Variants in INCENP observed in about 807,000 individuals in gnomAD.
INCENP encodes the protein inner centromere protein, also known as binds and activates aurora-B and -C in vivo and in vitro.
INCENP carries 43 observed loss-of-function variants against 107.3 expected under a neutral mutation model. That is an observed-to-expected ratio of 0.40 (90% CI 0.31 to 0.52). The LOEUF is 0.52. Ranked by LOEUF, INCENP falls within the 20% of genes least tolerant of loss-of-function variation. INCENP has a pLI of 0.53. For missense variants in INCENP, 1,089 were observed against 1,250.9 expected, an observed-to-expected ratio of 0.87 and a Z score of 1.95; for synonymous variants, 488 against 494.4, an observed-to-expected ratio of 0.99 and a Z score of 0.17.
At chr11:62,131,268 C>T (rs1443424318) in intron 4 of INCENP, among the ~76,000 whole-genome samples, 2 of 152,206 alleles carry the variant, frequency 1.3e-5, no homozygotes, top group African/African-American at 4.8e-5. Flanking sequence ...CGGGCCTCCA[C>T]TCCTTGCCTG....
chr11:62,141,802 T>G (rs958419422), intron 11 of INCENP: 2 of 534,290 alleles, frequency 3.7e-6, no homozygotes, highest in African/African-American at 3.8e-5. Context: ...ACAGCCACCT[T>G]CCCTCCCTCC....
chr11:62,134,911 C>A (rs537503964), intron 4 of INCENP, among the ~76,000 whole-genome samples: 1 of 151,732 alleles, frequency 6.6e-6, no homozygotes, highest in African/African-American at 2.4e-5. Context: ...ATTATCTGGG[C>A]GTGGTGGCAC....
At chr11:62,127,903 G>A (rs907538949) in intron 1 of INCENP, among the ~76,000 whole-genome samples, 4 of 152,088 alleles carry the variant, frequency 2.6e-5, no homozygotes, top group Non-Finnish European at 4.4e-5. Flanking sequence ...TCATGCTGGC[G>A]GGGGGGTGGG....
chr11:62,127,157 C>T (rs1943769903), intron 1 of INCENP, among the ~76,000 whole-genome samples: 1 of 152,030 alleles, frequency 6.6e-6, no homozygotes, highest in Non-Finnish European at 1.5e-5. Flanking sequence ...CAGGCTCAGC[C>T]TCCCAAGTAG....
chr11:62,148,729 T>C lies in INCENP; in HGVS notation c.2284-10T>C, dbSNP rs1429486508. The C allele has an allele frequency of 2.5e-6, 4 of 1,572,458 alleles. No individual in the cohort carries two copies. The East Asian group carries it at 9.0e-5, about 35-fold the overall frequency. Reference sequence around the variant, plus strand: ...AGCTCCCTAACACCCCATTGCCACCTGGGTTCCAGGAAGAGCAGCAGCGTC... The same window carrying C: ...AGCTCCCTAACACCCCATTGCCACCCGGGTTCCAGGAAGAGCAGCAGCGTC... On this transcript the variant is annotated splice_polypyrimidine_tract_variant and intron_variant, in intron 16 of 18. Transcript: ENST00000394818.
chr11:62,147,672 C>T (rs185177139), intron 15 of INCENP, among the ~76,000 whole-genome samples: 59 of 152,288 alleles, frequency 3.9e-4, no homozygotes, highest in African/African-American at 1.0e-3. Flanking sequence ...ACGTTTTTTC[C>T]GTGTCCATCT....
intron 13 of INCENP, 101 bp downstream of exon 13, chr11:62,145,390 A>G: frequency 6.5e-7 from 1 of 1,526,808 alleles, no homozygotes; most frequent in Non-Finnish European, 8.9e-7. Flanking sequence ...GTACCCCTGT[A>G]CCCATCTCCT....
chr11:62,126,290 G>A (rs1250143403), intron 1 of INCENP, among the ~76,000 whole-genome samples: 2 of 151,732 alleles, frequency 1.3e-5, no homozygotes, highest in Admixed American at 6.6e-5. Context: ...CTGCCTCCTA[G>A]GTTCAAGCGA....
In INCENP at chr11:62,151,691, C is replaced by T. The variant is rs995540384; in HGVS notation, c.2543-71C>T. ...GGAGGTTGGAGAGGGTGACAGGGCT[C>T]TGTGGTGGGCAAGGGATGGGGAGGT... is the stretch of plus-strand genomic sequence containing the variant. On this transcript the variant is annotated intron_variant, in intron 18 of 18. Transcript: ENST00000394818. 54 of 1,326,220 alleles carry T rather than the reference C, an allele frequency of 4.1e-5. 2 individuals carry two copies. In the South Asian group the frequency reaches 4.3e-4, roughly 10 times the overall value. 82.2% of individuals were successfully genotyped at this position (1,326,220 alleles called of 1,614,324 possible).
At chr11:62,131,710 A>T (rs535445385) in intron 4 of INCENP, among the ~76,000 whole-genome samples, 32 of 152,078 alleles carry the variant, frequency 2.1e-4, no homozygotes, top group Non-Finnish European at 3.8e-4. Flanking sequence ...ACCAGATAGG[A>T]GGCTGCTGTA....
At chr11:62,136,365 T>C (rs1294910006) in intron 4 of INCENP, among the ~76,000 whole-genome samples, 11 of 152,180 alleles carry the variant, frequency 7.2e-5, no homozygotes, top group Non-Finnish European at 1.5e-5. Context: ...TAGAATGGCA[T>C]GTACTTGAGT....
chr11:62,145,445 T>C (rs538123946), intron 13 of INCENP, among the ~76,000 whole-genome samples, 156 bp downstream of exon 13: 4 of 152,310 alleles, frequency 2.6e-5, no homozygotes, highest in African/African-American at 9.6e-5. Context: ...TGGGTTTCCC[T>C]GGCAGCCCTT....
Position 62,130,314 on chromosome 11 carries a change from T to A in INCENP, c.787T>A (p.Ser263Thr). Residue 263 changes from serine to threonine, a missense_variant, in exon 4 of 19, where the codon TCC becomes ACC. Physicochemically the swap from Ser to Thr is moderately conservative, Grantham distance 58 (BLOSUM62 1). Transcript: ENST00000394818. ...GTCTAAGCTCAGGATTGCGCAGGTC[T>A]CCCCTGGCCCACGGGACTCGCCAGC... The part of the protein sequence containing the change: ...SASKLRIAQV[S>T]PGPRDSPAFP... 6.2e-7 allele frequency: 1 copy of A among 1,611,584 alleles called. No homozygotes were observed. Among genetic ancestry groups the A allele is most frequent in the Non-Finnish European group, 8.5e-7 (1 of 1,180,006 alleles).
chr11:62,140,840 C>T lies in INCENP; in HGVS notation c.1461+19C>T. 1 of 1,613,556 alleles carries T rather than the reference C, an allele frequency of 6.2e-7. No individual in the cohort carries two copies. Among genetic ancestry groups the T allele is most frequent in the African/African-American group, 1.3e-5 (1 of 75,044 alleles). ...CAGCAAGGTGAGCCAGGCACCTGCC[C>T]TCTCCTGGAGCCCTGACCCCCTTCA... On this transcript the variant is annotated intron_variant, in intron 9 of 18. Transcript: ENST00000394818.
At chr11:62,125,695 C>T (rs1050933128) in intron 1 of INCENP, among the ~76,000 whole-genome samples, 13 of 151,944 alleles carry the variant, frequency 8.6e-5, no homozygotes, top group Non-Finnish European at 1.5e-4. Flanking sequence ...GTGGGATGAG[C>T]ACCTATAGGA....
intron 16 of INCENP, 73 bp from the exon 17 acceptor site, chr11:62,148,666 A>C: frequency 7.7e-7 from 1 of 1,297,766 alleles, no homozygotes; most frequent in East Asian, 2.5e-5. Context: ...AGGAGAATGG[A>C]GCGGAGGGAA....
intron 14 of INCENP, 72 bp from the exon 15 acceptor site, chr11:62,146,586 G>A: frequency 2.6e-6 from 4 of 1,534,664 alleles, no homozygotes; most frequent in Non-Finnish European, 1.8e-6. Flanking sequence ...TGGGCTTCGG[G>A]GGAGTAGGGC....
In INCENP at chr11:62,130,426, C is replaced by G. The variant is rs770582276; in HGVS notation, c.899C>G (p.Ser300Cys). ...ACGCCCACGGGCTCTCGCACGGACT[C>G]TCAATCGGTGCGGCACAGCCCGATC... ...FSTPTGSRTD[S>C]QSVRHSPIAP... Residue 300 changes from serine to cysteine, a missense_variant, in exon 4 of 19, where the codon TCT becomes TGT. Physicochemically the swap from Ser to Cys is moderately radical, Grantham distance 112. Coordinates refer to ENST00000394818, the MANE Select transcript of INCENP (RefSeq NM_001040694.2). The G allele has an allele frequency of 1.2e-6, 2 of 1,613,928 alleles. No individual in the cohort carries two copies. The highest frequency in any genetic ancestry group is 3.3e-5 in the Admixed American group (2 of 60,030).
In INCENP at chr11:62,152,970, T is replaced by A. The variant is rs897828542; in HGVS notation, c.*994T>A. 1.3e-5 allele frequency: 2 copies of A among 152,170 alleles called. No homozygotes were observed. The highest frequency in any genetic ancestry group is 4.8e-5 in the African/African-American group (2 of 41,446). The allele number at this position is 152,170 out of a possible 1,614,324, so 9.4% of individuals were successfully genotyped here. A position where few individuals can be genotyped will look rare whatever the true frequency, so the allele number is the denominator to read the frequency against. Reference sequence around the variant, plus strand: ...GTGGGCCAAATCCAGCCACAGTCGGTTCTTTAAAGTTTTATCGAAACACAA... The same window carrying A: ...GTGGGCCAAATCCAGCCACAGTCGGATCTTTAAAGTTTTATCGAAACACAA... On this transcript the variant is annotated 3_prime_UTR_variant, in exon 19 of 19. Coordinates refer to ENST00000394818, the MANE Select transcript of INCENP (RefSeq NM_001040694.2).
Sources: gnomAD v4.1 joint callset for allele counts (sites outside exome capture counted in the v4.1 genomes callset) on GRCh38, gnomAD v4.1.1 for gene constraint, MANE v1.5 for transcripts, NCBI Gene and HGNC (gene_info 2026-07-23, HGNC 2026-07-21) for gene names.